The following SEMA5A variants were observed in gnomAD, a reference collection of about 807,000 sequenced individuals.
SEMA5A encodes the protein semaphorin-5A.
Under a neutral mutation model 135.5 loss-of-function variants are expected in SEMA5A, and 55 were observed. The ratio of observed to expected loss-of-function variants is 0.41; its 90% confidence interval spans 0.33 to 0.51. The LOEUF is 0.51. Ranked by LOEUF, SEMA5A falls within the 20% of genes least tolerant of loss-of-function variation. SEMA5A has a pLI of 0.37. For synonymous variants in SEMA5A, 580 were observed against 546.5 expected (o/e 1.06, Z -0.85); for missense variants, 1,290 against 1,419.9 (o/e 0.91, Z 1.47).
At chr5:9,209,795 A>G (rs2150384677) in intron 8 of SEMA5A, among the ~76,000 whole-genome samples, 1 of 152,336 alleles carries the variant, frequency 6.6e-6, no homozygotes, top group South Asian at 2.1e-4. Context: ...AAAAAGTTCA[A>G]TAGAATAATA....
chr5:9,340,041 T>C (rs1753573929), intron 3 of SEMA5A, among the ~76,000 whole-genome samples: 1 of 151,032 alleles, frequency 6.6e-6, no homozygotes, highest in Non-Finnish European at 1.5e-5. Flanking sequence ...GAGACAGGCA[T>C]CAGAGTTTGA....
At chr5:9,230,092 C>T (rs1377588656) in intron 6 of SEMA5A, among the ~76,000 whole-genome samples, 1 of 151,454 alleles carries the variant, frequency 6.6e-6, no homozygotes, top group East Asian at 1.9e-4. Context: ...TCAAGTGATC[C>T]TCTCACCTCA....
At chr5:9,338,785 C>T (rs73050534) in intron 3 of SEMA5A, among the ~76,000 whole-genome samples, 1,561 of 152,178 alleles carry the variant, frequency 0.01, 26 homozygotes, top group African/African-American at 0.036. Context: ...CTCCAACAAA[C>T]GCTGATGCTA....
intron 16 of SEMA5A, among the ~76,000 whole-genome samples, chr5:9,085,799 A>T (rs1334123331): frequency 6.6e-6 from 1 of 152,150 alleles, no homozygotes; most frequent in Admixed American, 6.5e-5. Flanking sequence ...AGATCCACTG[A>T]CAGCTTGCAC....
chr5:9,341,990 T>C (rs1753674667), intron 3 of SEMA5A, among the ~76,000 whole-genome samples: 1 of 151,974 alleles, frequency 6.6e-6, no homozygotes, highest in African/African-American at 2.4e-5. Context: ...CGATTTATTT[T>C]ATGAACAAGT....
At position 9,429,130 on chromosome 5, in the gene SEMA5A, A is replaced by G. The variant is rs1459693383; in HGVS notation, c.-78+8626T>C. Among the ~76,000 whole-genome samples the G allele has an allele frequency of 2.6e-5, 4 of 152,328 alleles. No homozygotes were observed. In the East Asian group the frequency reaches 5.8e-4, roughly 22 times the overall value. On this transcript the variant is annotated intron_variant, in intron 2 of 22. Coordinates refer to ENST00000382496, the MANE Select transcript of SEMA5A (RefSeq NM_003966.3). ...GAGAAAGGTTCATGGAAAATGAGAC[A>G]GATTAGCTGAGAACTGGTGAACAAG...
intron 11 of SEMA5A, among the ~76,000 whole-genome samples, chr5:9,159,582 G>A (rs1210202727): frequency 6.6e-6 from 1 of 152,158 alleles, no homozygotes; most frequent in Non-Finnish European, 1.5e-5. Flanking sequence ...TGAAGAAATA[G>A]GAATGCTTTT....
intron 13 of SEMA5A, among the ~76,000 whole-genome samples, chr5:9,126,348 C>G (rs1366847541): frequency 2.2e-4 from 33 of 152,096 alleles, no homozygotes; most frequent in Non-Finnish European, 5.9e-5. Flanking sequence ...GGTCACAAGA[C>G]AGCAAGGGAA....
chr5:9,353,163 AGGG>A (rs1249629010), intron 3 of SEMA5A, among the ~76,000 whole-genome samples: 8 of 33,822 alleles, frequency 2.4e-4, no homozygotes, highest in African/African-American at 6.8e-4. Context: ...AAAGGAAAGG[AGGG>A]AAAGGAAGGG....
intron 5 of SEMA5A, among the ~76,000 whole-genome samples, chr5:9,306,335 C>A (rs1248941816): frequency 6.6e-6 from 1 of 152,146 alleles, no homozygotes; most frequent in Admixed American, 6.6e-5. Context: ...CTTTCCAATT[C>A]CTCTCTGTAT....
At chr5:9,197,107 C>A in intron 10 of SEMA5A, 61 bp downstream of exon 10, 1 of 1,605,142 alleles carries the variant, frequency 6.2e-7, no homozygotes, top group South Asian at 1.1e-5. Context: ...CCTGTCTACA[C>A]AAGGCTTCTG....
intron 5 of SEMA5A, among the ~76,000 whole-genome samples, chr5:9,283,227 A>G (rs1195566860): frequency 6.6e-6 from 1 of 152,202 alleles, no homozygotes; most frequent in Non-Finnish European, 1.5e-5. Context: ...ATGAGTCAGG[A>G]GTCCATTCGT....
chr5:9,479,504 G>T (rs1251944057), intron 1 of SEMA5A, among the ~76,000 whole-genome samples: 2 of 152,208 alleles, frequency 1.3e-5, no homozygotes, highest in Non-Finnish European at 2.9e-5. Flanking sequence ...GTTCCATCTG[G>T]AGTGTCGGAG....
intron 16 of SEMA5A, among the ~76,000 whole-genome samples, chr5:9,087,473 T>C (rs1738762601): frequency 6.6e-6 from 1 of 152,044 alleles, no homozygotes; most frequent in South Asian, 2.1e-4. Flanking sequence ...AAAATGGTGA[T>C]TAAATAATTA....
intron 16 of SEMA5A, among the ~76,000 whole-genome samples, chr5:9,092,959 A>G (rs1739116934): frequency 6.6e-6 from 1 of 152,224 alleles, no homozygotes. Flanking sequence ...AAATCATAAA[A>G]TGTCATTTTT....
intron 16 of SEMA5A, among the ~76,000 whole-genome samples, chr5:9,080,269 A>G (rs1455393552): frequency 6.6e-6 from 1 of 152,186 alleles, no homozygotes; most frequent in Non-Finnish European, 1.5e-5. Context: ...AAAGCTGGAA[A>G]CCATCATTCT....
At chr5:9,506,278 G>C (rs1735875429) in intron 1 of SEMA5A, among the ~76,000 whole-genome samples, 1 of 152,114 alleles carries the variant, frequency 6.6e-6, no homozygotes, top group East Asian at 1.9e-4. Flanking sequence ...CGATTTCTTA[G>C]TTTGTTTATA....
intron 9 of SEMA5A, among the ~76,000 whole-genome samples, chr5:9,199,663 C>G (rs1745599708): frequency 6.6e-6 from 1 of 152,150 alleles, no homozygotes; most frequent in South Asian, 2.1e-4. Context: ...ATAAAAAAAT[C>G]CTACCCCCCA....
chr5:9,091,039 G>A (rs887928696), intron 16 of SEMA5A, among the ~76,000 whole-genome samples: 2 of 152,108 alleles, frequency 1.3e-5, no homozygotes, highest in Non-Finnish European at 2.9e-5. Context: ...TGCTTAGGCT[G>A]GGAGTTAATT....
Sources: gnomAD v4.1 joint callset for allele counts (sites outside exome capture counted in the v4.1 genomes callset) on GRCh38, gnomAD v4.1.1 for gene constraint, MANE v1.5 for transcripts, NCBI Gene and HGNC (gene_info 2026-07-23, HGNC 2026-07-21) for gene names.